The following SORCS2 variants were observed in gnomAD, a reference collection of about 807,000 sequenced individuals.
The protein encoded by SORCS2 is sortilin related VPS10 domain containing receptor 2.
In SORCS2, 100 loss-of-function variants were observed where a neutral mutation model predicts 141.6. The ratio of observed to expected loss-of-function variants is 0.71; its 90% confidence interval spans 0.60 to 0.83. The LOEUF (loss-of-function observed/expected upper bound fraction) is 0.83. SORCS2 is among the 40% of genes least tolerant of loss of function. SORCS2 has a pLI of 0.00. For synonymous variants in SORCS2, 789 were observed against 676.9 expected (o/e 1.17, Z -2.57); for missense variants, 1,646 against 1,560.2 (o/e 1.05, Z -0.93).
chr4:7,424,930 A>G (rs1295446541), intron 2 of SORCS2, among the ~76,000 whole-genome samples: 1 of 152,220 alleles, frequency 6.6e-6, no homozygotes, highest in Non-Finnish European at 1.5e-5. Context: ...TGCTCCCAGG[A>G]CACTGGCATG....
intron 11 of SORCS2, 62 bp from the exon 12 acceptor site, chr4:7,697,136 T>C: frequency 7.0e-7 from 1 of 1,421,612 alleles, no homozygotes; most frequent in Non-Finnish European, 9.7e-7. Flanking sequence ...ATGCTCAGAC[T>C]TGTTAAAGGG....
intron 2 of SORCS2, among the ~76,000 whole-genome samples, chr4:7,406,368 C>CT (rs34345581): frequency 0.35 from 50,825 of 143,482 alleles, 9,709 homozygotes; most frequent in Middle Eastern, 0.55. Flanking sequence ...GGATCCTAGG[C>CT]TTTTTTTTTT....
chr4:7,220,531 T>A (rs1728641563), intron 1 of SORCS2, among the ~76,000 whole-genome samples: 1 of 152,170 alleles, frequency 6.6e-6, no homozygotes, highest in African/African-American at 2.4e-5. Flanking sequence ...CTTGCGTGAT[T>A]TTCAAGCTGA....
chr4:7,196,614 C>T (rs549991777), intron 1 of SORCS2, among the ~76,000 whole-genome samples: 4 of 149,492 alleles, frequency 2.7e-5, no homozygotes, highest in Admixed American at 6.7e-5. Flanking sequence ...CTCCCCTGCC[C>T]TCCCTTCCCC....
chr4:7,530,250 A>G (rs74832285), intron 2 of SORCS2, among the ~76,000 whole-genome samples: 6,128 of 152,304 alleles, frequency 0.04, 171 homozygotes, highest in Middle Eastern at 0.095. Flanking sequence ...AGGACAAACT[A>G]GGTGAGTCTG....
intron 2 of SORCS2, among the ~76,000 whole-genome samples, chr4:7,460,375 C>T (rs553137567): frequency 2.6e-5 from 4 of 152,368 alleles, no homozygotes; most frequent in South Asian, 2.1e-4. Flanking sequence ...CGGGCCCCTG[C>T]ACACTTCTAA....
At chr4:7,500,146 C>T (rs1374922553) in intron 2 of SORCS2, among the ~76,000 whole-genome samples, 1 of 152,214 alleles carries the variant, frequency 6.6e-6, no homozygotes, top group South Asian at 2.1e-4. Context: ...CCGGAGCACA[C>T]CCCTGCCCGG....
chr4:7,559,612 C>T lies in SORCS2; in HGVS notation c.648+27983C>T, dbSNP rs1342813441. Among the ~76,000 whole-genome samples the T allele has an allele frequency of 4.6e-5, 7 of 152,100 alleles. No individual in the cohort carries two copies. In the East Asian group the frequency reaches 9.7e-4, roughly 21 times the overall value. ...CTGGAGCAACAAATGTGGCTGGGAT[C>T]GAGGCATCAGCTGGAGGAGGCACAG... On this transcript the variant is annotated intron_variant, in intron 3 of 26. Coordinates refer to ENST00000507866, the MANE Select transcript of SORCS2 (RefSeq NM_020777.3).
chr4:7,455,006 C>T (rs1394094283), intron 2 of SORCS2, among the ~76,000 whole-genome samples: 2 of 99,372 alleles, frequency 2.0e-5, no homozygotes, highest in South Asian at 4.0e-4. Context: ...TCATGCGCCA[C>T]GTTAGGGTCA....
intron 7 of SORCS2, among the ~76,000 whole-genome samples, chr4:7,665,292 G>A (rs1722437321): frequency 6.6e-6 from 1 of 152,146 alleles, no homozygotes; most frequent in Non-Finnish European, 1.5e-5. Flanking sequence ...GGAGTTAGGC[G>A]CTAGGGCAGG....
At chr4:7,410,129 G>A (rs532305034) in intron 2 of SORCS2, among the ~76,000 whole-genome samples, 1 of 152,346 alleles carries the variant, frequency 6.6e-6, no homozygotes, top group South Asian at 2.1e-4. Context: ...TCTGCAGAGT[G>A]TCTTACCAGC....
intron 1 of SORCS2, among the ~76,000 whole-genome samples, chr4:7,271,706 G>A (rs1033241938): frequency 1.3e-5 from 2 of 152,262 alleles, no homozygotes; most frequent in African/African-American, 4.8e-5. Context: ...GATTCAGTGT[G>A]TGGCAGGAGC....
intron 1 of SORCS2, among the ~76,000 whole-genome samples, chr4:7,206,655 C>T (rs1727758397): frequency 1.3e-5 from 2 of 152,124 alleles, no homozygotes; most frequent in African/African-American, 4.8e-5. Flanking sequence ...CTAGCAGCTG[C>T]TGACTCATGG....
At chr4:7,199,493 G>T (rs937045780) in intron 1 of SORCS2, among the ~76,000 whole-genome samples, 9 of 152,120 alleles carry the variant, frequency 5.9e-5, no homozygotes, top group African/African-American at 2.2e-4. Context: ...GCTGCCCGTG[G>T]CCATTGCCTG....
chr4:7,224,091 G>C (rs4689657), intron 1 of SORCS2, among the ~76,000 whole-genome samples: 37,694 of 152,078 alleles, frequency 0.25, 4,812 homozygotes, highest in African/African-American at 0.28. Flanking sequence ...GTGGCCTGGC[G>C]TGCTGGTTTC....
intron 1 of SORCS2, among the ~76,000 whole-genome samples, chr4:7,334,702 G>A (rs1031595570): frequency 6.6e-6 from 1 of 152,124 alleles, no homozygotes; most frequent in Non-Finnish European, 1.5e-5. Context: ...TGTGGTCACC[G>A]ACCAACCCAA....
rs190495640 is a variant in SORCS2 at position 7,609,559 on chromosome 4, C to G, written c.649-28769C>G. The stretch of plus-strand genomic sequence containing the variant: ...TCTCTGCCATGTGAGAAAGGTTTTC[C>G]TCCTCCTCCAGACTGTGAGCCTTGC... On this transcript the variant is annotated intron_variant, in intron 3 of 26. Coordinates refer to ENST00000507866, the MANE Select transcript of SORCS2 (RefSeq NM_020777.3). Among the ~76,000 whole-genome samples the G allele has an allele frequency of 3.8e-3, 580 of 152,356 alleles. 5 individuals carry two copies. The highest frequency in any genetic ancestry group is 0.013 in the African/African-American group (554 of 41,582).
intron 3 of SORCS2, among the ~76,000 whole-genome samples, chr4:7,591,720 G>A (rs1266951464): frequency 2.0e-5 from 3 of 152,182 alleles, no homozygotes; most frequent in Non-Finnish European, 4.4e-5. Flanking sequence ...CGCCCCCGTA[G>A]AGCCCGGGAG....
chr4:7,725,241 A>G lies in SORCS2; in HGVS notation c.2699A>G (p.Asn900Ser), dbSNP rs779205763. ...VNLTAVLLPL[N>S]PNLTVFYWWI... The stretch of plus-strand genomic sequence containing the variant: ...CTCACAGCTGTGCTGCTTCCCTTGA[A>G]CCCTAACCTCACCGTCTTCTACTGG... The change falls in exon 20 of 27, where the codon AAC becomes AGC. Residue 900 changes from asparagine (N) to serine (S), a missense_variant. Physicochemically the swap from Asn to Ser is conservative, Grantham distance 46 (BLOSUM62 1). Coordinates refer to ENST00000507866, the MANE Select transcript of SORCS2 (RefSeq NM_020777.3). 65 of 1,613,204 alleles carry G rather than the reference A, an allele frequency of 4.0e-5. No homozygotes were observed. The highest frequency in any genetic ancestry group is 5.3e-5 in the Non-Finnish European group (63 of 1,179,604).
Sources: allele counts gnomAD v4.1 joint callset (sites outside exome capture counted in the v4.1 genomes callset), GRCh38; gene constraint gnomAD v4.1.1; transcripts MANE v1.5; gene names NCBI Gene and HGNC (gene_info 2026-07-23, HGNC 2026-07-21).